Variants in UBE2V2 observed in about 807,000 individuals in gnomAD.
The protein encoded by UBE2V2 is ubiquitin conjugating enzyme E2 V2.
Under a neutral mutation model 17.2 loss-of-function variants are expected in UBE2V2, and 9 were observed. The observed-to-expected ratio is 0.52, with a 90% CI of 0.32 to 0.91. The LOEUF (loss-of-function observed/expected upper bound fraction) is 0.91, where lower values mean the gene tolerates loss of function less well. Ranked by LOEUF, UBE2V2 falls within the 40% of genes least tolerant of loss-of-function variation. The pLI is 0.04. For missense variants in UBE2V2, 133 were observed against 182.6 expected (o/e 0.73, Z 1.56); for synonymous variants, 61 against 57.5 (o/e 1.06, Z -0.28).
At chr8:48,029,667 A>G (rs780637784) in intron 1 of UBE2V2, among the ~76,000 whole-genome samples, 5 of 152,196 alleles carry the variant, frequency 3.3e-5, no homozygotes, top group African/African-American at 1.2e-4. Context: ...TCTTCATGCC[A>G]TTGTCATCTG....
At chr8:48,035,491 C>T (rs2091416419) in intron 1 of UBE2V2, among the ~76,000 whole-genome samples, 1 of 151,906 alleles carries the variant, frequency 6.6e-6, no homozygotes, top group Non-Finnish European at 1.5e-5. Flanking sequence ...AGGGGTGTGC[C>T]TGGGCCTGGA....
chr8:48,017,093 A>G (rs1456516161), intron 1 of UBE2V2, among the ~76,000 whole-genome samples: 1 of 151,698 alleles, frequency 6.6e-6, no homozygotes, highest in Non-Finnish European at 1.5e-5. Context: ...GCTTGGCCTC[A>G]TCTTTCATCC....
At chr8:48,019,890 G>A (rs1481843351) in intron 1 of UBE2V2, among the ~76,000 whole-genome samples, 1 of 152,066 alleles carries the variant, frequency 6.6e-6, no homozygotes, top group Non-Finnish European at 1.5e-5. Context: ...ATAATTGCTT[G>A]AACTCAGGAG....
At chr8:48,005,422 T>C (rs1372187690), upstream of UBE2V2, among the ~76,000 whole-genome samples, 1 of 152,222 alleles carries the variant, frequency 6.6e-6, no homozygotes, top group African/African-American at 2.4e-5. Context: ...CTATCACTGA[T>C]GGCCATTTGG....
chr8:48,003,251 A>T, the UBE2V2 span, among the ~76,000 whole-genome samples: 1 of 151,966 alleles, frequency 6.6e-6, no homozygotes, highest in Non-Finnish European at 1.5e-5. Flanking sequence ...TAGTTCTCAG[A>T]TAACAGAATT....
intron 1 of UBE2V2, among the ~76,000 whole-genome samples, chr8:48,041,525 T>G (rs1200468612): frequency 6.6e-6 from 1 of 152,138 alleles, no homozygotes; most frequent in African/African-American, 2.4e-5. Context: ...CAAATAAAAG[T>G]AGATACTTAA....
At chr8:48,040,040 C>CT (rs56888818) in intron 1 of UBE2V2, among the ~76,000 whole-genome samples, 2,742 of 140,236 alleles carry the variant, frequency 0.02, 72 homozygotes, top group African/African-American at 0.056. Flanking sequence ...GCCTTTTCTA[C>CT]TTTTTTTTTT....
intron 1 of UBE2V2, among the ~76,000 whole-genome samples, chr8:48,022,730 T>C (rs1349638827): frequency 2.0e-5 from 3 of 152,200 alleles, no homozygotes; most frequent in East Asian, 3.8e-4. Context: ...TGAGAAAGTC[T>C]TTATCCTTTG....
intron 3 of UBE2V2, among the ~76,000 whole-genome samples, chr8:48,055,436 G>C (rs1416211413): frequency 6.6e-6 from 1 of 151,542 alleles, no homozygotes; most frequent in Non-Finnish European, 1.5e-5. Context: ...CCTGATTTCA[G>C]GCGATCCACC....
intron 1 of UBE2V2, among the ~76,000 whole-genome samples, chr8:48,009,360 G>C (rs2091211817): frequency 6.6e-6 from 1 of 150,658 alleles, no homozygotes. Context: ...CCACCTCCCA[G>C]GTTCAAGTGA....
At chr8:48,006,941 C>T (rs1356505436), upstream of UBE2V2, among the ~76,000 whole-genome samples, 7 of 151,532 alleles carry the variant, frequency 4.6e-5, no homozygotes, top group Admixed American at 6.6e-5. Context: ...AGTGCAGTGT[C>T]GCCATCTCGG....
At chr8:48,054,007 G>C (rs1044007209) in intron 3 of UBE2V2, among the ~76,000 whole-genome samples, 1 of 151,822 alleles carries the variant, frequency 6.6e-6, no homozygotes, top group Non-Finnish European at 1.5e-5. Flanking sequence ...GTTTCACCAC[G>C]TTGGCCAGGC....
chr8:48,050,056 T>TCTTAC, intron 3 of UBE2V2, 78 bp downstream of exon 3: 5 of 1,019,946 alleles, frequency 4.9e-6, no homozygotes, highest in Non-Finnish European at 6.6e-6. Flanking sequence ...CACCATAATA[T>TCTTAC]ATGTAAGATA....
At chr8:48,015,722 A>G (rs1214524001) in intron 1 of UBE2V2, among the ~76,000 whole-genome samples, 2 of 152,010 alleles carry the variant, frequency 1.3e-5, no homozygotes, top group Non-Finnish European at 2.9e-5. Context: ...GACTCCATAT[A>G]TGAGTGAGAT....
intron 3 of UBE2V2, among the ~76,000 whole-genome samples, chr8:48,056,880 C>T (rs965350647): frequency 3.2e-4 from 48 of 151,856 alleles, no homozygotes; most frequent in African/African-American, 1.1e-3. Context: ...TGCGCCACCA[C>T]GCCTGGCTAA....
upstream of UBE2V2, chr8:48,008,378 AG>A: frequency 6.5e-7 from 1 of 1,533,300 alleles, no homozygotes. Context: ...TGACGCGTGC[AG>A]GGCGGCGCGC....
At chr8:48,032,622 G>A (rs189018267) in intron 1 of UBE2V2, among the ~76,000 whole-genome samples, 4 of 152,068 alleles carry the variant, frequency 2.6e-5, no homozygotes, top group African/African-American at 4.8e-5. Flanking sequence ...TGCGTGTGGC[G>A]GTGCATGCCT....
rs1310404604 is a variant in UBE2V2 at position 48,064,704 on chromosome 8, C to G, written c.*3876C>G. ...TGTTTCAATAAAGGAGTTGTGCAAA[C>G]TCAAGGAGTGAGTTACATGATTGAA... On this transcript the variant is annotated 3_prime_UTR_variant, in exon 4 of 4. Coordinates refer to ENST00000523111, the MANE Select transcript of UBE2V2 (RefSeq NM_003350.3). The G allele has an allele frequency of 6.6e-6, 1 of 151,870 alleles. No individual in the cohort carries two copies. Among genetic ancestry groups the G allele is most frequent in the African/African-American group, 2.4e-5 (1 of 41,356 alleles). The allele number at this position is 151,870 out of a possible 1,614,324, so 9.4% of individuals were successfully genotyped here.
intron 1 of UBE2V2, 149 bp downstream of exon 1, chr8:48,008,619 C>T (rs1178947959): frequency 2.0e-5 from 23 of 1,160,052 alleles, no homozygotes; most frequent in Non-Finnish European, 2.4e-5. Flanking sequence ...AGCCTGGGAC[C>T]GGGTGGGACC....
Sources: gnomAD v4.1 joint callset for allele counts (sites outside exome capture counted in the v4.1 genomes callset) on GRCh38, gnomAD v4.1.1 for gene constraint, MANE v1.5 for transcripts, NCBI Gene and HGNC (gene_info 2026-07-23, HGNC 2026-07-21) for gene names.